SLC19A2: variants seen among roughly 807,000 people sequenced by gnomAD.
SLC19A2 encodes the protein thiamine transporter 1.
A neutral mutation model predicts 44.7 loss-of-function variants in SLC19A2; 27 were observed. The ratio of observed to expected loss-of-function variants is 0.60; its 90% CI spans 0.45 to 0.83. The LOEUF (loss-of-function observed/expected upper bound fraction) is 0.83. Ranked by LOEUF, SLC19A2 falls within the 40% of genes least tolerant of loss-of-function variation. The pLI, the probability that SLC19A2 is intolerant of heterozygous loss-of-function variation, is 0.00. For synonymous variants in SLC19A2, 239 were observed against 243.6 expected, an observed-to-expected ratio of 0.98 and a Z score of 0.18; for missense variants, 566 against 613.7, an observed-to-expected ratio of 0.92 and a Z score of 0.82.
chr1:169,470,180 T>G lies in SLC19A2; in HGVS notation c.814A>C (p.Lys272Gln), dbSNP rs1317174993. 6.2e-7 allele frequency: 1 copy of G among 1,613,882 alleles called. No individual in the cohort carries two copies. Among genetic ancestry groups the G allele is most frequent in the Admixed American group, 1.7e-5 (1 of 59,974 alleles). ...TTCAATACAAGGAGACGGTCTGGCT[T>G]GGGTTCCTACATAGCAAAAGGGAAC... ...EEPPVEEPEP[K>Q]PDRLLVLKVL... is the part of the protein sequence containing the mutation. Residue 272 changes from lysine to glutamine, a missense_variant, in exon 3 of 6, where the codon AAG (lysine) becomes CAG (glutamine). Lys to Gln is a moderately conservative substitution (Grantham distance 53, BLOSUM62 1). Transcript: ENST00000236137.
chr1:169,485,550 C>A lies in SLC19A2; in HGVS notation c.204+13G>T. On this transcript the variant is annotated intron_variant, in intron 1 of 5. Coordinates refer to ENST00000236137, the MANE Select transcript of SLC19A2 (RefSeq NM_006996.3). ...CGCCCGCCCTTCCCGCGCCCCGCGT[C>A]CGCCGCGCGTACCTCCCTCTCGGTC... The A allele has an allele frequency of 6.3e-7, 1 of 1,577,214 alleles. No homozygotes were observed. Among genetic ancestry groups the A allele is most frequent in the South Asian group, 1.2e-5 (1 of 86,244 alleles).
chr1:169,477,395 G>A lies in SLC19A2; in HGVS notation c.567C>T (p.Ser189=), dbSNP rs771375271. ...CACAGGTAAGAGAGATGACATTCAG[G>A]CTGAACAGCGACCAGCCTGCCACTG... The part of the protein sequence containing the change: ...LVSVAGWSLF[S]LNVISLTCVS... The change falls in exon 2 of 6, where the codon AGC becomes AGT. Residue 189 remains serine (S), a synonymous_variant. Coordinates refer to ENST00000236137, the MANE Select transcript of SLC19A2 (RefSeq NM_006996.3). 5.6e-6 allele frequency: 9 copies of A among 1,614,060 alleles called. No homozygotes were observed. The Admixed American group carries it at 1.5e-4, about 27-fold the overall frequency.
rs1253691289 is a variant in SLC19A2 at position 169,469,933 on chromosome 1, C to A, written c.1030+31G>T. 4.4e-6 allele frequency: 7 copies of A among 1,595,968 alleles called. No individual in the cohort carries two copies. The African/African-American group carries it at 6.7e-5, about 15-fold the overall frequency. ...AACTACCAGAGGAATCCCTCCCCCA[C>A]CACGACCCTCTATTATCCTGCATTG... On this transcript the variant is annotated intron_variant, in intron 3 of 5. Coordinates refer to ENST00000236137, the MANE Select transcript of SLC19A2 (RefSeq NM_006996.3).
chr1:169,466,328 TGTTA>T (rs1171505060), intron 5 of SLC19A2, among the ~76,000 whole-genome samples: 2 of 152,138 alleles, frequency 1.3e-5, no homozygotes, highest in African/African-American at 4.8e-5. Flanking sequence ...ATGCTAATGC[TGTTA>T]GTATTACTTT....
intron 2 of SLC19A2, among the ~76,000 whole-genome samples, chr1:169,471,080 A>G (rs1203181956): frequency 1.3e-5 from 2 of 151,194 alleles, no homozygotes; most frequent in Non-Finnish European, 2.9e-5. Context: ...AAAAACCCAC[A>G]GAAAATTTTA....
chr1:169,473,299 A>G (rs1398252585), intron 2 of SLC19A2, among the ~76,000 whole-genome samples: 1 of 151,934 alleles, frequency 6.6e-6, no homozygotes, highest in Non-Finnish European at 1.5e-5. Flanking sequence ...CAGTGGCACT[A>G]TCTCAGCCCA....
At chr1:169,467,559 G>A (rs1209235449) in intron 5 of SLC19A2, among the ~76,000 whole-genome samples, 3 of 152,142 alleles carry the variant, frequency 2.0e-5, no homozygotes, top group Admixed American at 1.3e-4. Flanking sequence ...ATGCATGAAG[G>A]CATATACAAC....
At chr1:169,480,783 T>G (rs1256870630) in intron 1 of SLC19A2, among the ~76,000 whole-genome samples, 2 of 152,232 alleles carry the variant, frequency 1.3e-5, no homozygotes, top group African/African-American at 4.8e-5. Flanking sequence ...TTCACTCCAA[T>G]AATATTGTCT....
chr1:169,475,308 T>C (rs150391252), intron 2 of SLC19A2, among the ~76,000 whole-genome samples: 1 of 152,092 alleles, frequency 6.6e-6, no homozygotes, highest in Non-Finnish European at 1.5e-5. Context: ...AATAAAAGAA[T>C]GTATCAGAAT....
intron 1 of SLC19A2, among the ~76,000 whole-genome samples, chr1:169,482,526 G>T (rs149093463): frequency 4.6e-5 from 7 of 152,188 alleles, no homozygotes; most frequent in African/African-American, 1.7e-4. Flanking sequence ...GGGCAACAGA[G>T]CAAGACTGTC....
intron 2 of SLC19A2, among the ~76,000 whole-genome samples, chr1:169,471,883 C>A (rs1245330225): frequency 6.6e-6 from 1 of 151,952 alleles, no homozygotes; most frequent in African/African-American, 2.4e-5. Context: ...CATACCATCC[C>A]AAAGCAACCC....
At chr1:169,475,720 A>T (rs1658289497) in intron 2 of SLC19A2, among the ~76,000 whole-genome samples, 2 of 152,184 alleles carry the variant, frequency 1.3e-5, no homozygotes, top group South Asian at 4.1e-4. Context: ...GGTCATTCTG[A>T]CAAAAAGTGC....
chr1:169,472,625 T>G (rs893840243), intron 2 of SLC19A2, among the ~76,000 whole-genome samples: 1 of 152,226 alleles, frequency 6.6e-6, no homozygotes, highest in Admixed American at 6.5e-5. Flanking sequence ...GTATAATGCA[T>G]TTGAGAACTT....
At chr1:169,485,055 TTGA>T (rs1355946080) in intron 1 of SLC19A2, among the ~76,000 whole-genome samples, 1 of 152,220 alleles carries the variant, frequency 6.6e-6, no homozygotes, top group African/African-American at 2.4e-5. Context: ...CTGTCCTTAC[TTGA>T]TTAAGCCCAC....
intron 1 of SLC19A2, among the ~76,000 whole-genome samples, chr1:169,484,718 C>T (rs184534697): frequency 6.6e-6 from 1 of 151,856 alleles, no homozygotes; most frequent in Non-Finnish European, 1.5e-5. Context: ...GTACACTATG[C>T]GCTTCTGAAG....
At chr1:169,470,239 A>C in intron 2 of SLC19A2, 53 bp from the exon 3 acceptor site, 1 of 1,510,266 alleles carries the variant, frequency 6.6e-7, no homozygotes, top group Non-Finnish European at 9.2e-7. Flanking sequence ...AATTATATAG[A>C]AAGCAATTTA....
At chr1:169,484,311 C>G (rs560883267) in intron 1 of SLC19A2, among the ~76,000 whole-genome samples, 219 of 152,300 alleles carry the variant, frequency 1.4e-3, no homozygotes, top group African/African-American at 5.1e-3. Flanking sequence ...GCAAATGATT[C>G]CGGTAGTGCC....
intron 2 of SLC19A2, 22 bp from the exon 3 acceptor site, chr1:169,470,208 T>G: frequency 6.2e-7 from 1 of 1,601,416 alleles, no homozygotes; most frequent in Non-Finnish European, 8.6e-7. Context: ...AAGGGAACAA[T>G]GCTCAAACTC....
chr1:169,484,462 G>C (rs1012844869), intron 1 of SLC19A2, among the ~76,000 whole-genome samples: 1 of 152,144 alleles, frequency 6.6e-6, no homozygotes, highest in Non-Finnish European at 1.5e-5. Context: ...AGGGTGGAAG[G>C]AACAGGTGTA....
Sources: gnomAD v4.1 joint callset for allele counts (sites outside exome capture counted in the v4.1 genomes callset) on GRCh38, gnomAD v4.1.1 for gene constraint, MANE v1.5 for transcripts, NCBI Gene and HGNC (gene_info 2026-07-23, HGNC 2026-07-21) for gene names.